Variants in KSR2 observed in about 807,000 individuals in gnomAD.
KSR2 encodes the protein kinase suppressor of ras 2.
Under a neutral mutation model 107.8 loss-of-function variants are expected in KSR2, and 25 were observed. That is an observed-to-expected ratio of 0.23 (90% CI 0.17 to 0.32). KSR2 has a LOEUF of 0.32. KSR2 is among the 10% of genes least tolerant of loss of function. The pLI, the probability that KSR2 is intolerant of heterozygous loss-of-function variation, is 1.00. For missense variants in KSR2, 887 were observed against 1,268.9 expected (o/e 0.70, Z 4.57); for synonymous variants, 480 against 507.0 (o/e 0.95, Z 0.71).
At chr12:117,769,745 A>G (rs1039604413) in intron 3 of KSR2, among the ~76,000 whole-genome samples, 3 of 152,212 alleles carry the variant, frequency 2.0e-5, no homozygotes, top group Non-Finnish European at 2.9e-5. Flanking sequence ...CCTGACACAG[A>G]GCTCACACTC....
intron 1 of KSR2, among the ~76,000 whole-genome samples, chr12:117,904,512 G>A (rs766133153): frequency 9.2e-5 from 14 of 152,090 alleles, no homozygotes; most frequent in Admixed American, 2.6e-4. Context: ...AATGGATTTC[G>A]GTGGCCTTAT....
chr12:117,733,246 C>G (rs1255134113), intron 4 of KSR2, among the ~76,000 whole-genome samples: 2 of 152,134 alleles, frequency 1.3e-5, no homozygotes, highest in Admixed American at 1.3e-4. Flanking sequence ...CTCCTGTCAC[C>G]CCATGCCGTA....
chr12:117,941,604 C>G (rs1896008612), intron 1 of KSR2, among the ~76,000 whole-genome samples: 1 of 143,644 alleles, frequency 7.0e-6, no homozygotes, highest in African/African-American at 2.6e-5. Flanking sequence ...TATAAAATCA[C>G]AGGCTTTCCT....
chr12:117,671,459 T>C (rs1459545202), intron 4 of KSR2, among the ~76,000 whole-genome samples: 1 of 152,236 alleles, frequency 6.6e-6, no homozygotes, highest in Non-Finnish European at 1.5e-5. Flanking sequence ...GCAATGACTC[T>C]GTGCTGTTCA....
intron 5 of KSR2, among the ~76,000 whole-genome samples, chr12:117,654,245 G>A (rs1884030016): frequency 6.6e-6 from 1 of 152,156 alleles, no homozygotes; most frequent in Non-Finnish European, 1.5e-5. Context: ...TCATCAAATG[G>A]AAGTGGCATA....
At chr12:117,467,911 A>AGGGTTTCAG (rs5801230) in intron 19 of KSR2, 39 of 366,532 alleles carry the variant, frequency 1.1e-4, no homozygotes, top group African/African-American at 7.6e-4. Flanking sequence ...GCTAGACCAC[A>AGGGTTTCAG]GTCCTGTGTT....
intron 3 of KSR2, among the ~76,000 whole-genome samples, chr12:117,815,994 TGTGTGTG>T: frequency 1.9e-5 from 1 of 51,500 alleles, no homozygotes; most frequent in Non-Finnish European, 3.2e-5. Flanking sequence ...AAATAAAGTG[TGTGTGTG>T]TGTGTGTGTG....
intron 1 of KSR2, among the ~76,000 whole-genome samples, chr12:117,908,595 TAG>T (rs897182904): frequency 1.3e-5 from 2 of 152,178 alleles, no homozygotes; most frequent in Non-Finnish European, 2.9e-5. Flanking sequence ...AGGCCAAAGG[TAG>T]TTCAATGTGC....
At chr12:117,611,455 C>CACACACACACACACACACACACAT in intron 5 of KSR2, among the ~76,000 whole-genome samples, 1 of 152,040 alleles carries the variant, frequency 6.6e-6, no homozygotes, top group Non-Finnish European at 1.5e-5. Flanking sequence ...GACACACACA[C>CACACACACACACACACACACACAT]ACACACACGT....
chr12:117,821,252 G>GT (rs1257299490), intron 3 of KSR2, among the ~76,000 whole-genome samples: 1 of 151,824 alleles, frequency 6.6e-6, no homozygotes, highest in African/African-American at 2.4e-5. Flanking sequence ...GTTGATCCTA[G>GT]AACAACACAG....
chr12:117,773,877 C>T (rs1220236561), intron 3 of KSR2, among the ~76,000 whole-genome samples: 1 of 152,176 alleles, frequency 6.6e-6, no homozygotes, highest in African/African-American at 2.4e-5. Context: ...TGTGCCCCTA[C>T]CATGTGCCAG....
chr12:117,485,950 A>C (rs1872439395), intron 14 of KSR2, among the ~76,000 whole-genome samples: 1 of 152,134 alleles, frequency 6.6e-6, no homozygotes. Context: ...TAGTCCAGAA[A>C]TGGGTTTGCC....
intron 14 of KSR2, among the ~76,000 whole-genome samples, chr12:117,493,718 C>G (rs1222160785): frequency 6.6e-6 from 1 of 152,156 alleles, no homozygotes; most frequent in East Asian, 1.9e-4. Context: ...GTGTCCCTAC[C>G]CAAATCTTAA....
chr12:117,658,889 T>A (rs1884301460), intron 5 of KSR2, among the ~76,000 whole-genome samples: 1 of 152,182 alleles, frequency 6.6e-6, no homozygotes, highest in African/African-American at 2.4e-5. Flanking sequence ...TTATGGTTTT[T>A]AGTCTTGCCT....
intron 5 of KSR2, among the ~76,000 whole-genome samples, chr12:117,591,565 C>G (rs570150234): frequency 6.6e-6 from 1 of 152,206 alleles, no homozygotes; most frequent in East Asian, 1.9e-4. Context: ...GGTGAGGGCA[C>G]TGCACCAATG....
At chr12:117,835,192 A>G (rs1892150431) in intron 3 of KSR2, among the ~76,000 whole-genome samples, 1 of 152,214 alleles carries the variant, frequency 6.6e-6, no homozygotes, top group African/African-American at 2.4e-5. Context: ...TCCTGCCTCC[A>G]GCCCTGAGCT....
rs762813599 is a variant in KSR2 at position 117,627,785 on chromosome 12, C to T, written c.1171+39689G>A. 2.3e-4 allele frequency among the ~76,000 whole-genome samples: 35 copies of T among 152,188 alleles called. 1 individual carries two copies. The highest frequency in any genetic ancestry group is 2.6e-4 in the Non-Finnish European group (18 of 68,028). On this transcript the variant is annotated intron_variant, in intron 5 of 19. Coordinates refer to ENST00000339824, the MANE Select transcript of KSR2 (RefSeq NM_173598.6). ...TGGAGAAGTTCTCCTGGATAATATA[C>T]TGAAGAGTGTTTTCCAACTTGGTTC...
At chr12:117,705,268 C>T (rs1886477559) in intron 4 of KSR2, among the ~76,000 whole-genome samples, 1 of 152,208 alleles carries the variant, frequency 6.6e-6, no homozygotes, top group African/African-American at 2.4e-5. Flanking sequence ...GGTCAGGCAA[C>T]AGACGCTCCC....
In KSR2 at chr12:117,761,035, C is replaced by A; in HGVS notation, c.962G>T (p.Arg321Leu). 1 of 1,613,712 alleles carries A rather than the reference C, an allele frequency of 6.2e-7. No homozygotes were observed. Among genetic ancestry groups the A allele is most frequent in the South Asian group, 1.1e-5 (1 of 91,080 alleles). ...CTTGGGCGTGTGGGCCTCGTCCACG[C>A]GGTGCCCCAGCTGGAACTCGTGGGA... Reference protein sequence around the residue: ...SKSHEFQLGHRVDEAHTPKAK... With the variant: ...SKSHEFQLGHLVDEAHTPKAK... The change falls in exon 4 of 20, where the codon CGC becomes CTC. Residue 321 changes from arginine to leucine, a missense_variant. Physicochemically the swap from Arg to Leu is moderately radical, Grantham distance 102 (BLOSUM62 -2). Around this residue, in one of 8 missense-constraint regions of KSR2, gnomAD observed 399 missense variants for 479.5 expected, o/e 0.83. Coordinates refer to ENST00000339824, the MANE Select transcript of KSR2 (RefSeq NM_173598.6).
Sources: allele counts gnomAD v4.1 joint callset (sites outside exome capture counted in the v4.1 genomes callset), GRCh38; gene constraint gnomAD v4.1.1; regional missense constraint gnomAD v4.1.1; transcripts MANE v1.5; gene names NCBI Gene and HGNC (gene_info 2026-07-23, HGNC 2026-07-21).